Variants in SNX31 observed in about 807,000 individuals in gnomAD.
SNX31 encodes the protein sorting nexin 31.
In SNX31, 58 loss-of-function variants were observed where a neutral mutation model predicts 65.4. That is an observed-to-expected ratio of 0.89 (90% CI 0.72 to 1.10). The LOEUF is 1.10. Ranked by LOEUF, SNX31 falls within the 50% of genes least tolerant of loss-of-function variation. SNX31 has a pLI of 0.00. For missense variants in SNX31, 523 were observed against 529.7 expected (o/e 0.99, Z 0.12); for synonymous variants, 181 against 190.1 (o/e 0.95, Z 0.39).
At position 100,630,560 on chromosome 8, in the gene SNX31, CCT is replaced by C; in HGVS notation, c.257-171_257-170del. On this transcript the variant is annotated intron_variant, in intron 3 of 13. Coordinates refer to ENST00000311812, the MANE Select transcript of SNX31 (RefSeq NM_152628.4). This position sits in a 1 kb window ranked among gnomAD's most constrained non-coding sequence, Gnocchi z 5.3. The stretch of plus-strand genomic sequence containing the variant: ...ACAGGAAAACCCCCAAAGCTTGCCT[CCT>C]ATAGGCAGCCTTAACAACAGGAACC... Among the ~76,000 whole-genome samples the C allele has an allele frequency of 6.6e-6, 1 of 152,310 alleles. No homozygotes were observed. Among genetic ancestry groups the C allele is most frequent in the South Asian group, 2.1e-4 (1 of 4,826 alleles).
upstream of SNX31, chr8:100,649,689 G>C (rs565517356): frequency 2.2e-5 from 12 of 539,760 alleles, no homozygotes; most frequent in South Asian, 3.5e-4. Context: ...GGGCCGGGCC[G>C]CGCCGCCTCC....
At chr8:100,624,513 T>C (rs779076672) in intron 4 of SNX31, among the ~76,000 whole-genome samples, 6 of 152,206 alleles carry the variant, frequency 3.9e-5, no homozygotes, top group Non-Finnish European at 8.8e-5. Flanking sequence ...TTTGCTTTGG[T>C]AAGTAAACAA....
rs1328333404 is a variant in SNX31 at position 100,578,589 on chromosome 8, G to A, written c.1171-1514C>T. ...CCTTTCAACTATGGTTAACTTTGTT[G>A]TAAAATCAATTGCTTTAAGGAGGTA... On this transcript the variant is annotated intron_variant, in intron 12 of 13. Transcript: ENST00000311812. The surrounding 1 kb of genome is among the most constrained non-coding windows in gnomAD (Gnocchi z 4.7). Among the ~76,000 whole-genome samples, 2 of 152,056 alleles carry A rather than the reference G, an allele frequency of 1.3e-5. No individual in the cohort carries two copies. Among genetic ancestry groups the A allele is most frequent in the South Asian group, 2.1e-4 (1 of 4,820 alleles).
intron 5 of SNX31, 127 bp downstream of exon 5, chr8:100,617,493 G>A: frequency 3.2e-6 from 2 of 616,078 alleles, no homozygotes; most frequent in South Asian, 5.2e-5. Context: ...TACCTCTGCA[G>A]ATAATCATCC....
chr8:100,638,754 G>A (rs969604936), intron 2 of SNX31, among the ~76,000 whole-genome samples: 2 of 152,200 alleles, frequency 1.3e-5, no homozygotes, highest in Non-Finnish European at 2.9e-5. Flanking sequence ...CATACAAAAT[G>A]TTTATGGCAA....
rs1354334614 is a variant in SNX31, at chr8:100,613,060, C to A, written c.458G>T (p.Cys153Phe). 5 of 1,613,918 alleles carry A rather than the reference C, an allele frequency of 3.1e-6. 1 individual carries two copies. The South Asian group carries it at 5.5e-5, about 18-fold the overall frequency. ...GCCGAAGTAGCCCAAGAGCTCTCGA[C>A]ACAGTCCAATTTTGTGTGACACCAC... ...LEVVSHKIGL[C>F]RELLGYFGLF... Residue 153 changes from cysteine to phenylalanine, a missense_variant, in exon 6 of 14, where the codon TGT (cysteine) becomes TTT (phenylalanine). Physicochemically the swap from Cys to Phe is radical, Grantham distance 205. Transcript: ENST00000311812. This position sits in a 1 kb window ranked among gnomAD's most constrained non-coding sequence, Gnocchi z 5.2.
intron 8 of SNX31, among the ~76,000 whole-genome samples, chr8:100,603,745 CT>C (rs767771084): frequency 0.058 from 7,361 of 126,902 alleles, 486 homozygotes; most frequent in African/African-American, 0.18. Flanking sequence ...CACACCCGGC[CT>C]TTTTTTTTTT....
chr8:100,642,690 G>C (rs1372197962), intron 2 of SNX31, among the ~76,000 whole-genome samples: 1 of 152,168 alleles, frequency 6.6e-6, no homozygotes, highest in African/African-American at 2.4e-5. Flanking sequence ...TTTTCCATGG[G>C]TCTCAGTACA....
At chr8:100,627,549 A>T (rs566315991) in intron 4 of SNX31, among the ~76,000 whole-genome samples, 23 of 151,700 alleles carry the variant, frequency 1.5e-4, no homozygotes, top group African/African-American at 3.4e-4. Context: ...ATTTAAAAAA[A>T]TTTTTTTTTC....
intron 4 of SNX31, among the ~76,000 whole-genome samples, chr8:100,628,094 G>A (rs1001586450): frequency 1.3e-5 from 2 of 152,080 alleles, no homozygotes; most frequent in Non-Finnish European, 2.9e-5. Flanking sequence ...GAAACAACAG[G>A]TGCTGGAGGG....
chr8:100,593,136 A>C (rs992345579), intron 10 of SNX31, among the ~76,000 whole-genome samples: 1 of 152,212 alleles, frequency 6.6e-6, no homozygotes, highest in Non-Finnish European at 1.5e-5. Flanking sequence ...AATATACTAC[A>C]TACCATACCA....
rs1411723910 is a variant in SNX31 at position 100,625,664 on chromosome 8, G to T, written c.321+4663C>A. ...TGAGCCTGAGGTTTTCAGAAGGGCT[G>T]CCAAGTGCGTTGAAAATTGAACCTG... On this transcript the variant is annotated intron_variant, in intron 4 of 13. Transcript: ENST00000311812. This position sits in a 1 kb window ranked among gnomAD's most constrained non-coding sequence, Gnocchi z 4.2. Among the ~76,000 whole-genome samples the T allele has an allele frequency of 1.3e-5, 2 of 152,170 alleles. No individual in the cohort carries two copies. The highest frequency in any genetic ancestry group is 2.9e-5 in the Non-Finnish European group (2 of 68,036).
chr8:100,597,718 G>A (rs1815245286), intron 9 of SNX31, among the ~76,000 whole-genome samples: 1 of 152,214 alleles, frequency 6.6e-6, no homozygotes, highest in Non-Finnish European at 1.5e-5. Context: ...GATTCCCCCA[G>A]TTGCCCAGGG....
chr8:100,600,453 A>G lies in SNX31; in HGVS notation c.682-12T>C, dbSNP rs764809649. 7.5e-6 allele frequency: 12 copies of G among 1,603,530 alleles called. No homozygotes were observed. Among genetic ancestry groups the G allele is most frequent in the South Asian group, 3.4e-5 (3 of 89,092 alleles). On this transcript the variant is annotated splice_polypyrimidine_tract_variant and intron_variant, in intron 8 of 13. Transcript: ENST00000311812. ...ATGTCCTGTATTGCCTTAAAATAACATAAGTTGTAAAATTAGCAGTCTTAG... is the reference window on the plus strand; with the variant it reads ...ATGTCCTGTATTGCCTTAAAATAACGTAAGTTGTAAAATTAGCAGTCTTAG...
At chr8:100,619,230 G>C (rs1265636138) in intron 4 of SNX31, 1 of 152,186 alleles carries the variant, frequency 6.6e-6, no homozygotes, top group African/African-American at 2.4e-5. Context: ...CCAGGAACTG[G>C]GGACAAAGAT....
At position 100,625,453 on chromosome 8, in the gene SNX31, C is replaced by T. The variant is rs1432404659; in HGVS notation, c.321+4874G>A. Among the ~76,000 whole-genome samples the T allele has an allele frequency of 6.6e-6, 1 of 152,094 alleles. No homozygotes were observed. The highest frequency in any genetic ancestry group is 1.5e-5 in the Non-Finnish European group (1 of 68,024). On this transcript the variant is annotated intron_variant, in intron 4 of 13. Coordinates refer to ENST00000311812, the MANE Select transcript of SNX31 (RefSeq NM_152628.4). The surrounding 1 kb of genome is among the most constrained non-coding windows in gnomAD (Gnocchi z 4.2). ...CAGAATAGCAACAAAGCACACCGATCTCCTTGAAAAATTAAAAGATTTCTC... is the reference window on the plus strand; with the variant it reads ...CAGAATAGCAACAAAGCACACCGATTTCCTTGAAAAATTAAAAGATTTCTC...
In SNX31 at chr8:100,588,753, G is replaced by C; in HGVS notation, c.1092+113C>G. The C allele has an allele frequency of 1.5e-6, 1 of 660,730 alleles. No individual in the cohort carries two copies. Among genetic ancestry groups the C allele is most frequent in the Non-Finnish European group, 2.6e-6 (1 of 378,516 alleles). 40.9% of individuals were successfully genotyped at this position (660,730 alleles called of 1,614,324 possible). A position where few individuals can be genotyped will look rare whatever the true frequency, so the allele number is the denominator to read the frequency against. On this transcript the variant is annotated intron_variant, in intron 11 of 13. Transcript: ENST00000311812. The surrounding 1 kb of genome is among the most constrained non-coding windows in gnomAD (Gnocchi z 4.8). ...TTACGGTCCCGAACGAGAGTGCATA[G>C]AACACTTTAGGGTCCTGCTCTAGTT...
In SNX31 at chr8:100,609,809, A is replaced by G. The variant is rs1256934548; in HGVS notation, c.612-1246T>C. 6.6e-6 allele frequency among the ~76,000 whole-genome samples: 1 copy of G among 152,188 alleles called. No homozygotes were observed. The highest frequency in any genetic ancestry group is 1.9e-4 in the East Asian group (1 of 5,190). On this transcript the variant is annotated intron_variant, in intron 7 of 13. Coordinates refer to ENST00000311812, the MANE Select transcript of SNX31 (RefSeq NM_152628.4). This position sits in a 1 kb window ranked among gnomAD's most constrained non-coding sequence, Gnocchi z 4.9. The stretch of plus-strand genomic sequence containing the variant: ...ACACATCCCAGAGGCCCCTGTGTGC[A>G]GAGAATAGACCCATCCCAGACTGGG...
intron 2 of SNX31, among the ~76,000 whole-genome samples, chr8:100,646,018 G>A (rs1438595306): frequency 1.3e-5 from 2 of 152,162 alleles, no homozygotes; most frequent in African/African-American, 4.8e-5. Flanking sequence ...ATGACAGAGA[G>A]TAGATGTTGG....
Sources: gnomAD v4.1 joint callset for allele counts (sites outside exome capture counted in the v4.1 genomes callset) on GRCh38, gnomAD v4.1.1 for gene constraint, Gnocchi (gnomAD v3.1) non-coding constraint, MANE v1.5 for transcripts, NCBI Gene and HGNC (gene_info 2026-07-23, HGNC 2026-07-21) for gene names.